The following MAPKAP1 variants were observed in gnomAD, a reference collection of about 807,000 sequenced individuals.
MAPKAP1 encodes the protein MAPK associated protein 1, also known as target of rapamycin complex 2 subunit MAPKAP1.
MAPKAP1 carries 20 observed loss-of-function variants against 65.7 expected under a neutral mutation model. That is an observed-to-expected ratio of 0.30 (90% CI 0.21 to 0.44). The LOEUF (loss-of-function observed/expected upper bound fraction) is 0.44, where lower values mean the gene tolerates loss of function less well. Ranked by LOEUF, MAPKAP1 falls within the 20% of genes least tolerant of loss-of-function variation. The pLI is 1.00. For missense variants in MAPKAP1, 423 were observed against 648.0 expected, an observed-to-expected ratio of 0.65 and a Z score of 3.77; for synonymous variants, 222 against 244.3, an observed-to-expected ratio of 0.91 and a Z score of 0.85.
intron 1 of MAPKAP1, among the ~76,000 whole-genome samples, chr9:125,701,535 C>T (rs933488931): frequency 2.0e-5 from 3 of 152,134 alleles, no homozygotes; most frequent in Non-Finnish European, 2.9e-5. Flanking sequence ...TAGTGGTATC[C>T]GCATATTCAG....
At chr9:125,517,657 A>T (rs994043011) in intron 7 of MAPKAP1, among the ~76,000 whole-genome samples, 1 of 152,222 alleles carries the variant, frequency 6.6e-6, no homozygotes, top group Non-Finnish European at 1.5e-5. Context: ...GTACCGCTGA[A>T]TTTCCTTCTT....
At chr9:125,701,658 C>T (rs1835602342) in intron 1 of MAPKAP1, among the ~76,000 whole-genome samples, 1 of 152,218 alleles carries the variant, frequency 6.6e-6, no homozygotes, top group African/African-American at 2.4e-5. Context: ...CTACCTATCT[C>T]ATAGGACTAT....
chr9:125,533,058 G>A (rs1245721592), intron 7 of MAPKAP1, among the ~76,000 whole-genome samples: 10 of 152,130 alleles, frequency 6.6e-5, no homozygotes, highest in Non-Finnish European at 1.2e-4. Flanking sequence ...GCTTGGATGC[G>A]TGATCCATTT....
chr9:125,604,021 C>A (rs1377978145), intron 4 of MAPKAP1, among the ~76,000 whole-genome samples: 1 of 152,082 alleles, frequency 6.6e-6, no homozygotes, highest in Non-Finnish European at 1.5e-5. Context: ...TTCTAAAATG[C>A]AACACTCAAA....
chr9:125,492,309 T>A (rs952271378), intron 8 of MAPKAP1, among the ~76,000 whole-genome samples: 1 of 152,236 alleles, frequency 6.6e-6, no homozygotes, highest in Non-Finnish European at 1.5e-5. Context: ...GCTGACTTTA[T>A]TGGTTATAAT....
chr9:125,656,794 C>A (rs1056892610), intron 4 of MAPKAP1, among the ~76,000 whole-genome samples: 9 of 152,092 alleles, frequency 5.9e-5, no homozygotes, highest in African/African-American at 1.7e-4. Flanking sequence ...AAAAATCAAC[C>A]GCTACTGTCT....
intron 1 of MAPKAP1, among the ~76,000 whole-genome samples, chr9:125,698,288 A>AAAAT: frequency 2.0e-5 from 1 of 49,070 alleles, no homozygotes; most frequent in African/African-American, 1.1e-4. Context: ...AATATATATA[A>AAAAT]ATATATATAT....
At chr9:125,674,550 C>G (rs144940830) in intron 1 of MAPKAP1, among the ~76,000 whole-genome samples, 2 of 152,296 alleles carry the variant, frequency 1.3e-5, no homozygotes, top group South Asian at 2.1e-4. Flanking sequence ...TTCTTGTAAT[C>G]TGTTTCTTCT....
intron 8 of MAPKAP1, among the ~76,000 whole-genome samples, chr9:125,504,092 C>T (rs10986781): frequency 0.019 from 2,958 of 151,856 alleles, 157 homozygotes; most frequent in East Asian, 0.15. Flanking sequence ...TTAGGTCTTT[C>T]GATATTTACA....
chr9:125,667,464 C>T (rs1173625899), intron 3 of MAPKAP1, among the ~76,000 whole-genome samples: 2 of 138,064 alleles, frequency 1.4e-5, no homozygotes, highest in Admixed American at 1.6e-4. Context: ...GAATTACAGG[C>T]GCACACCACC....
At chr9:125,580,769 T>C (rs1589308699) in intron 5 of MAPKAP1, among the ~76,000 whole-genome samples, 2 of 152,170 alleles carry the variant, frequency 1.3e-5, no homozygotes, top group African/African-American at 2.4e-5. Flanking sequence ...GTTCTACACA[T>C]TGGATTACAT....
At chr9:125,477,527 A>G (rs1198635613) in intron 9 of MAPKAP1, among the ~76,000 whole-genome samples, 1 of 152,186 alleles carries the variant, frequency 6.6e-6, no homozygotes, top group Admixed American at 6.5e-5. Flanking sequence ...TGACTCTGAT[A>G]TATGTTCAGG....
intron 11 of MAPKAP1, among the ~76,000 whole-genome samples, chr9:125,443,815 G>C (rs938062202): frequency 1.3e-5 from 2 of 151,616 alleles, no homozygotes; most frequent in Non-Finnish European, 2.9e-5. Context: ...TGCCTTTTCA[G>C]TCATCCTTCA....
chr9:125,559,847 T>C (rs2131504426), intron 5 of MAPKAP1, 38 bp from the exon 6 acceptor site: 1 of 1,583,060 alleles, frequency 6.3e-7, no homozygotes, highest in Non-Finnish European at 8.6e-7. Flanking sequence ...AATACCAAGG[T>C]AGGGAAGGGA....
chr9:125,579,722 A>G (rs1400802259), intron 5 of MAPKAP1, among the ~76,000 whole-genome samples: 47 of 152,206 alleles, frequency 3.1e-4, no homozygotes, highest in Admixed American at 3.1e-3. Context: ...ACTGGAAAAG[A>G]CCAAATAAGG....
intron 3 of MAPKAP1, among the ~76,000 whole-genome samples, chr9:125,668,136 T>C (rs1834393863): frequency 6.6e-6 from 1 of 152,218 alleles, no homozygotes; most frequent in Non-Finnish European, 1.5e-5. Context: ...TAAGGATACT[T>C]GAGTTTATAA....
At chr9:125,489,616 C>T (rs766087383) in intron 8 of MAPKAP1, among the ~76,000 whole-genome samples, 2 of 151,968 alleles carry the variant, frequency 1.3e-5, no homozygotes, top group African/African-American at 4.8e-5. Context: ...GGAGGAGAAG[C>T]AGCTTAAGTC....
At chr9:125,494,871 T>C (rs1215738865) in intron 8 of MAPKAP1, among the ~76,000 whole-genome samples, 3 of 152,162 alleles carry the variant, frequency 2.0e-5, no homozygotes, top group Non-Finnish European at 4.4e-5. Flanking sequence ...CTGATCACAA[T>C]TGTGTGCTCT....
At chr9:125,585,784 C>G (rs1589313985) in intron 4 of MAPKAP1, 57 bp from the exon 5 acceptor site, 1 of 1,548,230 alleles carries the variant, frequency 6.5e-7, no homozygotes, top group Non-Finnish European at 8.9e-7. Context: ...ACAGACCCCA[C>G]TGCTCTCCAG....
Sources: allele counts gnomAD v4.1 joint callset (sites outside exome capture counted in the v4.1 genomes callset), GRCh38; gene constraint gnomAD v4.1.1; transcripts MANE v1.5; gene names NCBI Gene and HGNC (gene_info 2026-07-23, HGNC 2026-07-21).